ITGBL1: variants seen among roughly 807,000 people sequenced by gnomAD.
ITGBL1 encodes integrin subunit beta like 1.
A neutral mutation model predicts 68.5 loss-of-function variants in ITGBL1; 51 were observed. The observed-to-expected ratio is 0.74, with a 90% CI of 0.59 to 0.94. The LOEUF (loss-of-function observed/expected upper bound fraction) is 0.94, where lower values mean the gene tolerates loss of function less well. Ranked by LOEUF, ITGBL1 falls within the 40% of genes least tolerant of loss-of-function variation. The pLI is 0.00. For synonymous variants in ITGBL1, 209 were observed against 227.3 expected (o/e 0.92, Z 0.72); for missense variants, 649 against 647.4 (o/e 1.00, Z -0.03).
intron 2 of ITGBL1, among the ~76,000 whole-genome samples, chr13:101,463,153 C>T (rs1363515542): frequency 1.3e-5 from 2 of 152,166 alleles, no homozygotes; most frequent in African/African-American, 4.8e-5. Context: ...ATGCTAGACA[C>T]CCCTCTCCTA....
intron 6 of ITGBL1, among the ~76,000 whole-genome samples, chr13:101,590,765 A>G (rs112125284): frequency 6.1e-4 from 93 of 152,324 alleles, no homozygotes; most frequent in African/African-American, 2.0e-3. Context: ...CTGTGAAACA[A>G]CAGAATTGAC....
chr13:101,498,990 C>T (rs987304040), intron 2 of ITGBL1, among the ~76,000 whole-genome samples: 5 of 152,112 alleles, frequency 3.3e-5, no homozygotes, highest in African/African-American at 1.2e-4. Flanking sequence ...TATTCACTAC[C>T]ACTAGAACAG....
intron 4 of ITGBL1, among the ~76,000 whole-genome samples, chr13:101,577,101 AG>A (rs1248572370): frequency 6.6e-6 from 1 of 152,218 alleles, no homozygotes; most frequent in African/African-American, 2.4e-5. Flanking sequence ...CAAACTTTCT[AG>A]TTGTTATTTC....
In ITGBL1 at chr13:101,715,997, G is replaced by A. The variant is rs2034704478; in HGVS notation, c.*343G>A. 3.9e-6 allele frequency: 1 copy of A among 257,684 alleles called. No individual in the cohort carries two copies. The allele number at this position is 257,684 out of a possible 1,614,324, so 16.0% of individuals were successfully genotyped here. A position where few individuals can be genotyped will look rare whatever the true frequency, so the allele number is the denominator to read the frequency against. On this transcript the variant is annotated 3_prime_UTR_variant, in exon 11 of 11. Coordinates refer to ENST00000376180, the MANE Select transcript of ITGBL1 (RefSeq NM_004791.3). ...ATGCTGCAGACATTTGGTGGGTAGA[G>A]GCCAGGGATGCTGCTGAGCATCCCG...
At chr13:101,655,700 C>T (rs751870061) in intron 7 of ITGBL1, among the ~76,000 whole-genome samples, 22 of 152,162 alleles carry the variant, frequency 1.4e-4, no homozygotes, top group South Asian at 2.1e-4. Flanking sequence ...ATTGTTAAAT[C>T]GGATAGTCAC....
intron 7 of ITGBL1, among the ~76,000 whole-genome samples, chr13:101,613,113 A>G (rs1232521540): frequency 2.0e-5 from 3 of 152,200 alleles, no homozygotes; most frequent in South Asian, 2.1e-4. Context: ...ATCTATAAAA[A>G]TGGCATTAGA....
intron 7 of ITGBL1, among the ~76,000 whole-genome samples, chr13:101,651,745 C>T (rs9585747): frequency 0.19 from 29,506 of 151,888 alleles, 2,949 homozygotes; most frequent in East Asian, 0.25. Context: ...AATTTTTGCC[C>T]GGGTCTATGT....
At chr13:101,676,590 A>G (rs2033508811) in intron 7 of ITGBL1, among the ~76,000 whole-genome samples, 1 of 152,118 alleles carries the variant, frequency 6.6e-6, no homozygotes. Context: ...CATCAAAGAG[A>G]TTATTTGGAT....
chr13:101,537,127 C>G (rs2049592103), intron 2 of ITGBL1, among the ~76,000 whole-genome samples: 1 of 151,968 alleles, frequency 6.6e-6, no homozygotes, highest in Non-Finnish European at 1.5e-5. Flanking sequence ...CTCTAACATT[C>G]AATAATCAGT....
chr13:101,597,263 C>G (rs572983764), intron 6 of ITGBL1, among the ~76,000 whole-genome samples: 5 of 152,020 alleles, frequency 3.3e-5, no homozygotes, highest in Non-Finnish European at 5.9e-5. Context: ...AATATGTACT[C>G]TCTCTGATAT....
At chr13:101,495,795 G>A (rs952365709) in intron 2 of ITGBL1, among the ~76,000 whole-genome samples, 1 of 152,100 alleles carries the variant, frequency 6.6e-6, no homozygotes, top group Non-Finnish European at 1.5e-5. Context: ...ACCTGGTAAG[G>A]AGTAACCTTT....
chr13:101,524,793 G>T (rs189640492), intron 2 of ITGBL1, among the ~76,000 whole-genome samples: 1 of 150,410 alleles, frequency 6.6e-6, no homozygotes, highest in East Asian at 2.0e-4. Context: ...GCCAACTGAC[G>T]TATAGCTGTC....
At chr13:101,643,670 AT>A (rs1385587186) in intron 7 of ITGBL1, among the ~76,000 whole-genome samples, 1 of 152,174 alleles carries the variant, frequency 6.6e-6, no homozygotes, top group East Asian at 1.9e-4. Context: ...AGCTGCTTTC[AT>A]TCCCTCAAAT....
intron 2 of ITGBL1, among the ~76,000 whole-genome samples, chr13:101,551,206 G>A (rs1278352727): frequency 6.6e-6 from 1 of 152,182 alleles, no homozygotes; most frequent in Non-Finnish European, 1.5e-5. Context: ...GCAGTGAAAA[G>A]CATATTAGTT....
At chr13:101,640,421 C>T (rs945239005) in intron 7 of ITGBL1, among the ~76,000 whole-genome samples, 101 of 152,238 alleles carry the variant, frequency 6.6e-4, no homozygotes, top group African/African-American at 2.4e-3. Flanking sequence ...ATTTAGATTA[C>T]ACCAGGCACT....
chr13:101,551,775 A>G (rs1182082707), intron 2 of ITGBL1, among the ~76,000 whole-genome samples: 2 of 152,196 alleles, frequency 1.3e-5, no homozygotes, highest in Admixed American at 6.5e-5. Flanking sequence ...TGGTAAAGCT[A>G]TTTTCCAAAG....
At chr13:101,597,614 T>G (rs1029406743) in intron 6 of ITGBL1, among the ~76,000 whole-genome samples, 1 of 151,898 alleles carries the variant, frequency 6.6e-6, no homozygotes, top group Non-Finnish European at 1.5e-5. Flanking sequence ...TGCAGTGGCA[T>G]GAACTTGGCT....
At chr13:101,483,136 G>A (rs2048650251) in intron 2 of ITGBL1, among the ~76,000 whole-genome samples, 1 of 152,144 alleles carries the variant, frequency 6.6e-6, no homozygotes, top group Non-Finnish European at 1.5e-5. Flanking sequence ...TTCACATGGT[G>A]GCTAATGACA....
At chr13:101,583,378 G>A (rs981277016) in intron 6 of ITGBL1, 22 bp downstream of exon 6, 2 of 1,383,752 alleles carry the variant, frequency 1.4e-6, no homozygotes, top group East Asian at 2.8e-5. Context: ...TCCAATTCCT[G>A]TTTTTCTGGA....
Sources: allele counts gnomAD v4.1 joint callset (sites outside exome capture counted in the v4.1 genomes callset), GRCh38; gene constraint gnomAD v4.1.1; transcripts MANE v1.5; gene names NCBI Gene and HGNC (gene_info 2026-07-23, HGNC 2026-07-21).